The following LARP4B variants were observed in gnomAD, a reference collection of about 807,000 sequenced individuals.
LARP4B encodes the protein la-related protein 4B.
A neutral mutation model predicts 89.8 loss-of-function variants in LARP4B; 12 were observed. The observed-to-expected ratio is 0.13, with a 90% CI of 0.09 to 0.22. LARP4B has a LOEUF of 0.22. Ranked by LOEUF, LARP4B falls within the 10% of genes least tolerant of loss-of-function variation. LARP4B has a pLI of 1.00. For missense variants in LARP4B, 757 were observed against 947.7 expected, an observed-to-expected ratio of 0.80 and a Z score of 2.64; for synonymous variants, 367 against 363.3, an observed-to-expected ratio of 1.01 and a Z score of -0.12.
At chr10:881,527 C>T (rs1206444848) in intron 3 of LARP4B, among the ~76,000 whole-genome samples, 3 of 152,198 alleles carry the variant, frequency 2.0e-5, no homozygotes, top group Non-Finnish European at 4.4e-5. Flanking sequence ...GACCACTCCG[C>T]GTCCTAGATT....
intron 1 of LARP4B, among the ~76,000 whole-genome samples, chr10:913,075 T>G (rs543572536): frequency 1.6e-4 from 24 of 152,306 alleles, no homozygotes; most frequent in African/African-American, 5.3e-4. Flanking sequence ...CCCTTTTTGA[T>G]TCAACAAATA....
intron 3 of LARP4B, chr10:872,978 C>G: frequency 1.0e-6 from 1 of 971,128 alleles, no homozygotes; most frequent in Non-Finnish European, 1.2e-6. Context: ...ACTGCTGGCT[C>G]CACTGCCAGT....
intron 1 of LARP4B, among the ~76,000 whole-genome samples, chr10:927,984 G>T (rs1021119619): frequency 3.3e-5 from 5 of 152,030 alleles, no homozygotes; most frequent in Non-Finnish European, 7.4e-5. Context: ...AGGCCGAGGC[G>T]GGCGAATCAC....
At position 829,675 on chromosome 10, in the gene LARP4B, G is replaced by C; in HGVS notation, c.915+6C>G. 6.2e-7 allele frequency: 1 copy of C among 1,612,298 alleles called. No individual in the cohort carries two copies. The highest frequency in any genetic ancestry group is 8.5e-7 in the Non-Finnish European group (1 of 1,178,404). Reference sequence around the variant, plus strand: ...TAAACAAAGTATAACCAATGGTCTTGCTTACCTTAATTGGTTTTCCTTGAA... The same window carrying C: ...TAAACAAAGTATAACCAATGGTCTTCCTTACCTTAATTGGTTTTCCTTGAA... On this transcript the variant is annotated splice_donor_region_variant and intron_variant, in intron 10 of 17. Transcript: ENST00000316157.
intron 3 of LARP4B, among the ~76,000 whole-genome samples, chr10:882,117 G>T (rs1007831555): frequency 2.0e-5 from 3 of 152,018 alleles, no homozygotes; most frequent in Admixed American, 2.0e-4. Flanking sequence ...GTGGGCTGGG[G>T]GTTTAATGGG....
At chr10:851,002 A>C (rs1186152279) in intron 5 of LARP4B, among the ~76,000 whole-genome samples, 1 of 152,168 alleles carries the variant, frequency 6.6e-6, no homozygotes, top group Admixed American at 6.5e-5. Flanking sequence ...CTAAATGACT[A>C]TATCAGAAAA....
the LARP4B span, among the ~76,000 whole-genome samples, chr10:976,720 T>C: frequency 0.18 from 25,796 of 144,780 alleles, 2,475 homozygotes; most frequent in East Asian, 0.28. Flanking sequence ...TGTCATGTAA[T>C]GTGTGGCCTG....
chr10:900,801 G>C (rs907935788), intron 1 of LARP4B, among the ~76,000 whole-genome samples: 5 of 150,280 alleles, frequency 3.3e-5, no homozygotes, highest in African/African-American at 4.9e-5. Context: ...TGTATGTTTA[G>C]AGAGACGATG....
intron 11 of LARP4B, among the ~76,000 whole-genome samples, chr10:827,169 A>G (rs1027360919): frequency 2.1e-3 from 312 of 152,138 alleles, no homozygotes; most frequent in African/African-American, 7.2e-3. Context: ...CCAGCTACTC[A>G]AGAGGCTGAG....
At chr10:962,868 G>C in the LARP4B span, among the ~76,000 whole-genome samples, 3 of 152,094 alleles carry the variant, frequency 2.0e-5, no homozygotes, top group African/African-American at 4.8e-5. Flanking sequence ...GAGCTCGGAA[G>C]ACCACCGGAA....
chr10:963,181 A>C, the LARP4B span, among the ~76,000 whole-genome samples: 1 of 152,286 alleles, frequency 6.6e-6, no homozygotes, highest in Middle Eastern at 3.4e-3. Context: ...CCCCAGGATC[A>C]CCACAGTGAC....
At chr10:854,463 G>A (rs143708164) in intron 5 of LARP4B, among the ~76,000 whole-genome samples, 1 of 152,306 alleles carries the variant, frequency 6.6e-6, no homozygotes, top group African/African-American at 2.4e-5. Flanking sequence ...GCTACCGAAT[G>A]GATGTTGTGT....
At chr10:872,947 CCG>C (rs1295967159) in intron 3 of LARP4B, 1 of 860,588 alleles carries the variant, frequency 1.2e-6, no homozygotes. Flanking sequence ...AAATCCTTGT[CCG>C]CGCGCTAACG....
chr10:886,620 T>C (rs945923787), intron 1 of LARP4B, among the ~76,000 whole-genome samples: 1 of 152,220 alleles, frequency 6.6e-6, no homozygotes, highest in Non-Finnish European at 1.5e-5. Flanking sequence ...TATGGAATTA[T>C]GTATTATTCA....
chr10:895,212 T>G (rs952638635), intron 1 of LARP4B, among the ~76,000 whole-genome samples: 6 of 150,806 alleles, frequency 4.0e-5, no homozygotes, highest in Non-Finnish European at 5.9e-5. Context: ...TAACGTAAAA[T>G]AAAATAAAAT....
At chr10:862,256 TAAAAA>T (rs10661482) in intron 5 of LARP4B, among the ~76,000 whole-genome samples, 1 of 84,396 alleles carries the variant, frequency 1.2e-5, no homozygotes, top group Non-Finnish European at 2.1e-5. Context: ...CCACTGAAGT[TAAAAA>T]AAAAAAAAAA....
At chr10:984,038 T>C in the LARP4B span, among the ~76,000 whole-genome samples, 2 of 152,222 alleles carry the variant, frequency 1.3e-5, no homozygotes, top group Admixed American at 6.5e-5. Flanking sequence ...AAACGGAAAT[T>C]GCTAAAGCAT....
chr10:884,357 T>G, intron 3 of LARP4B, 90 bp downstream of exon 3: 4 of 946,690 alleles, frequency 4.2e-6, no homozygotes, highest in Non-Finnish European at 5.1e-6. Context: ...ATTTTCTAAT[T>G]TTTGTTACAA....
chr10:824,616 C>T (rs1832525073), intron 13 of LARP4B, among the ~76,000 whole-genome samples: 1 of 152,248 alleles, frequency 6.6e-6, no homozygotes, highest in South Asian at 2.1e-4. Context: ...TGGCTAGTCT[C>T]AACCCTCCAA....
Sources: gnomAD v4.1 joint callset for allele counts (sites outside exome capture counted in the v4.1 genomes callset) on GRCh38, gnomAD v4.1.1 for gene constraint, MANE v1.5 for transcripts, NCBI Gene and HGNC (gene_info 2026-07-23, HGNC 2026-07-21) for gene names.